ALDH8A1: variants seen among roughly 807,000 people sequenced by gnomAD.
ALDH8A1 encodes aldehyde dehydrogenase 8 family member A1, also known as 2-aminomuconic semialdehyde dehydrogenase.
A neutral mutation model predicts 43.3 loss-of-function variants in ALDH8A1; 39 were observed. The observed-to-expected ratio is 0.90, with a 90% CI of 0.70 to 1.18. The LOEUF is 1.18. Among genes scored for constraint, ALDH8A1 ranks in the 50% most tolerant of loss-of-function variants. ALDH8A1 has a pLI of 0.00. For synonymous variants in ALDH8A1, 233 were observed against 243.5 expected, an observed-to-expected ratio of 0.96 and a Z score of 0.40; for missense variants, 605 against 622.6, an observed-to-expected ratio of 0.97 and a Z score of 0.30.
In ALDH8A1 at chr6:134,926,896, C is replaced by T. The variant is rs963248827; in HGVS notation, c.1011+2158G>A. Among the ~76,000 whole-genome samples, 6 of 152,066 alleles carry T rather than the reference C, an allele frequency of 3.9e-5. 1 individual carries two copies. Among genetic ancestry groups the T allele is most frequent in the Non-Finnish European group, 8.8e-5 (6 of 68,020 alleles). ...CCTCTTCTTGGATGCCATTGGACCA[C>T]TTGTCACATAATAGGAAATCTCCTA... On this transcript the variant is annotated intron_variant, in intron 6 of 6. Transcript: ENST00000265605.
chr6:134,930,355 A>T (rs1462844639), intron 5 of ALDH8A1, among the ~76,000 whole-genome samples: 1 of 152,218 alleles, frequency 6.6e-6, no homozygotes, highest in Non-Finnish European at 1.5e-5. Flanking sequence ...GAGGGGTTAT[A>T]ACAGATTTCT....
chr6:134,925,450 C>T (rs1307042499), intron 6 of ALDH8A1, among the ~76,000 whole-genome samples: 3 of 152,140 alleles, frequency 2.0e-5, no homozygotes, highest in South Asian at 4.1e-4. Flanking sequence ...TGGCCAGCGA[C>T]GGCCAGGACC....
chr6:134,919,346 G>A (rs28398785), intron 6 of ALDH8A1, among the ~76,000 whole-genome samples: 6,907 of 152,196 alleles, frequency 0.045, 525 homozygotes, highest in African/African-American at 0.15. Context: ...GCAGAAAATG[G>A]GAAGAGAAAG....
At chr6:134,936,585 A>AT (rs1773744829) in intron 4 of ALDH8A1, among the ~76,000 whole-genome samples, 1 of 152,212 alleles carries the variant, frequency 6.6e-6, no homozygotes. Context: ...AATGAATGGA[A>AT]TCACTGCTAA....
rs368304856 is a variant in ALDH8A1 at position 134,939,427 on chromosome 6, G to C, written c.443-12C>G. 2.1e-4 allele frequency: 340 copies of C among 1,612,892 alleles called. 1 individual carries two copies. In the African/African-American group the frequency reaches 4.1e-3, roughly 19 times the overall value. On this transcript the variant is annotated splice_polypyrimidine_tract_variant and intron_variant, in intron 3 of 6. Transcript: ENST00000265605. ...GCTGATCAGACCAGCTAAGGGATGA[G>C]AGCAGAAGCACTGCCTGTGACGGCA...
At chr6:134,947,134 A>G (rs9402666) in intron 1 of ALDH8A1, among the ~76,000 whole-genome samples, 21,929 of 152,196 alleles carry the variant, frequency 0.14, 2,356 homozygotes, top group African/African-American at 0.27. Context: ...TGGTGAAAAC[A>G]TAGTCTCTCC....
intron 4 of ALDH8A1, among the ~76,000 whole-genome samples, chr6:134,933,999 G>A (rs532752288): frequency 1.3e-4 from 20 of 152,236 alleles, no homozygotes; most frequent in Admixed American, 4.6e-4. Flanking sequence ...ATGAGCCACC[G>A]CGCCCAGCCT....
chr6:134,939,329 C>A lies in ALDH8A1; in HGVS notation c.529G>T (p.Ala177Ser), dbSNP rs1180150466. ...PAMAAGNTVI[A>S]KPSELTSVTA... ...ACTGAAGTCAGCTCACTGGGCTTGG[C>A]TATCACAGTGTTCCCTGCAGCCATC... Residue 177 changes from alanine (A) to serine (S), a missense_variant, in exon 4 of 7, where the codon GCC becomes TCC. Coordinates refer to ENST00000265605, the MANE Select transcript of ALDH8A1 (RefSeq NM_022568.4). 1 of 1,614,216 alleles carries A rather than the reference C, an allele frequency of 6.2e-7. No individual in the cohort carries two copies. The highest frequency in any genetic ancestry group is 8.5e-7 in the Non-Finnish European group (1 of 1,180,032).
At chr6:134,928,696 A>G (rs1776926921) in intron 6 of ALDH8A1, among the ~76,000 whole-genome samples, 1 of 152,226 alleles carries the variant, frequency 6.6e-6, no homozygotes, top group South Asian at 2.1e-4. Flanking sequence ...TATAAACCAG[A>G]GGCAGGCCTT....
At chr6:134,932,631 T>G (rs1444666131) in intron 5 of ALDH8A1, 145 bp downstream of exon 5, 2 of 1,181,838 alleles carry the variant, frequency 1.7e-6, no homozygotes, top group Non-Finnish European at 2.3e-6. Flanking sequence ...AGCAGAGAGT[T>G]AAGGGAATCA....
rs542338443 is a variant in ALDH8A1 at position 134,944,938 on chromosome 6, A to G, written c.139-972T>C. ...TATACTATATATATATAGTATATAT[A>G]GTATGTATATATTATATATACAGTA... On this transcript the variant is annotated intron_variant, in intron 1 of 6. Transcript: ENST00000265605. Among the ~76,000 whole-genome samples, 579 of 148,322 alleles carry G rather than the reference A, an allele frequency of 3.9e-3. 3 individuals are homozygous for G. Among genetic ancestry groups the G allele is most frequent in the African/African-American group, 0.013 (519 of 40,832 alleles).
At chr6:134,930,519 A>G (rs1776965759) in intron 5 of ALDH8A1, among the ~76,000 whole-genome samples, 1 of 152,254 alleles carries the variant, frequency 6.6e-6, no homozygotes, top group Non-Finnish European at 1.5e-5. Context: ...CTGACTTCAC[A>G]ACAATCTTAG....
In ALDH8A1 at chr6:134,948,225, C is replaced by G. The variant is rs114939450; in HGVS notation, c.138+1691G>C. The stretch of plus-strand genomic sequence containing the variant: ...GTTGATCTCATGGAGGTAGAGAGTA[C>G]AATTATGGTTACCAGAGGCTGGGAA... On this transcript the variant is annotated intron_variant, in intron 1 of 6. Coordinates refer to ENST00000265605, the MANE Select transcript of ALDH8A1 (RefSeq NM_022568.4). Among the ~76,000 whole-genome samples the G allele has an allele frequency of 3.9e-3, 589 of 152,054 alleles. 3 individuals carry two copies. The highest frequency in any genetic ancestry group is 0.013 in the African/African-American group (528 of 41,472).
chr6:134,943,000 AC>A (rs1267190097), intron 2 of ALDH8A1, among the ~76,000 whole-genome samples: 3 of 152,246 alleles, frequency 2.0e-5, no homozygotes, highest in Non-Finnish European at 2.9e-5. Flanking sequence ...ACCTCCCCAC[AC>A]ATGGTAGAGT....
Position 134,942,553 on chromosome 6 carries a change from C to T in ALDH8A1, c.298G>A (p.Ala100Thr), listed in dbSNP as rs149214929. ...AESKDQGKTL[A>T]LARTMDIPRS... ...GGAATGTCCATGGTTCTTGCCAGTG[C>T]TAAGGTTTTCCCTGTAAGAAGCAAA... Residue 100 changes from alanine (A) to threonine (T), a missense_variant, in exon 3 of 7, where the codon GCA becomes ACA. Transcript: ENST00000265605. The T allele has an allele frequency of 3.0e-5, 48 of 1,613,456 alleles. No individual in the cohort carries two copies. Among genetic ancestry groups the T allele is most frequent in the Non-Finnish European group, 4.0e-5 (47 of 1,179,680 alleles).
chr6:134,930,753 C>T (rs2114689257), intron 5 of ALDH8A1, among the ~76,000 whole-genome samples: 1 of 152,304 alleles, frequency 6.6e-6, no homozygotes, highest in South Asian at 2.1e-4. Flanking sequence ...GAGGGGTTTA[C>T]CCAGTTCCCT....
At chr6:134,924,110 C>A (rs1419574008) in intron 6 of ALDH8A1, among the ~76,000 whole-genome samples, 1 of 152,140 alleles carries the variant, frequency 6.6e-6, no homozygotes, top group Non-Finnish European at 1.5e-5. Context: ...TAAGAACTTG[C>A]TTGACAAAAT....
intron 6 of ALDH8A1, 101 bp downstream of exon 6, chr6:134,928,953 G>A (rs1293876325): frequency 6.0e-6 from 8 of 1,336,008 alleles, no homozygotes; most frequent in Admixed American, 4.7e-5. Context: ...AAATGGGGTA[G>A]TAACTAACAA....
chr6:134,929,289 A>G (rs1776941029), intron 5 of ALDH8A1, 74 bp from the exon 6 acceptor site: 52 of 1,515,292 alleles, frequency 3.4e-5, no homozygotes, highest in Non-Finnish European at 4.6e-5. Flanking sequence ...ACTTTTGAGT[A>G]CCTGCCATGT....
Sources: gnomAD v4.1 joint callset for allele counts (sites outside exome capture counted in the v4.1 genomes callset) on GRCh38, gnomAD v4.1.1 for gene constraint, MANE v1.5 for transcripts, NCBI Gene and HGNC (gene_info 2026-07-23, HGNC 2026-07-21) for gene names.